SLCO4A1: variants seen among roughly 807,000 people sequenced by gnomAD.
The protein encoded by SLCO4A1 is solute carrier organic anion transporter family member 4A1, also known as colon organic anion transporter.
Under a neutral mutation model 64.6 loss-of-function variants are expected in SLCO4A1, and 51 were observed. That is an observed-to-expected ratio of 0.79 (90% CI 0.63 to 1.00). The LOEUF is 1.00. SLCO4A1 is among the 50% of genes least tolerant of loss of function. The pLI is 0.00. For missense variants in SLCO4A1, 919 were observed against 980.5 expected (o/e 0.94, Z 0.84); for synonymous variants, 471 against 444.9 (o/e 1.06, Z -0.74).
downstream of SLCO4A1, among the ~76,000 whole-genome samples, chr20:62,690,665 T>A (rs1386060056): frequency 6.6e-6 from 1 of 152,262 alleles, no homozygotes; most frequent in Admixed American, 6.5e-5. Flanking sequence ...GGCTTCCAAT[T>A]CGGGGCCTGA....
chr20:62,650,171 G>C (rs772705131), intron 1 of SLCO4A1: 1 of 152,338 alleles, frequency 6.6e-6, no homozygotes, highest in Non-Finnish European at 1.5e-5. Flanking sequence ...AGCTTGGGAA[G>C]CTGACGCACC....
At chr20:62,665,303 G>T (rs1337654410) in intron 6 of SLCO4A1, 3 of 554,188 alleles carry the variant, frequency 5.4e-6, no homozygotes, top group Non-Finnish European at 9.4e-6. Flanking sequence ...TGTGGGACAT[G>T]CTCCGTAGGT....
chr20:62,682,604 A>G (rs1987884546), intron 2 of SLCO4A1, among the ~76,000 whole-genome samples: 1 of 152,048 alleles, frequency 6.6e-6, no homozygotes, highest in Non-Finnish European at 1.5e-5. Context: ...AAGTCCAGGC[A>G]TCATCCCATC....
At chr20:62,642,957 G>A (rs1045675438) in intron 1 of SLCO4A1, 2 of 467,876 alleles carry the variant, frequency 4.3e-6, no homozygotes, top group Non-Finnish European at 8.9e-6. Context: ...AGGCCCCACA[G>A]ATCCAGCTGG....
At chr20:62,689,697 G>A (rs1039563435), downstream of SLCO4A1, among the ~76,000 whole-genome samples, 8 of 152,190 alleles carry the variant, frequency 5.3e-5, no homozygotes, top group East Asian at 3.9e-4. Flanking sequence ...CAGACCCTCC[G>A]GAAGGCGACC....
downstream of SLCO4A1, among the ~76,000 whole-genome samples, chr20:62,688,119 T>TAC (rs147245683): frequency 7.1e-3 from 1,075 of 151,556 alleles, 14 homozygotes; most frequent in African/African-American, 0.024. Flanking sequence ...ATAAGAGACC[T>TAC]ACACACACAC....
chr20:62,658,083 T>C (rs1984068521), intron 2 of SLCO4A1, among the ~76,000 whole-genome samples: 1 of 152,186 alleles, frequency 6.6e-6, no homozygotes, highest in South Asian at 2.1e-4. Context: ...CCTGCCTGGC[T>C]TGGCTCTCCC....
chr20:62,669,591 C>G (rs1174751596), intron 11 of SLCO4A1, among the ~76,000 whole-genome samples: 2 of 152,180 alleles, frequency 1.3e-5, no homozygotes, highest in African/African-American at 4.8e-5. Context: ...TCTGTTGTGA[C>G]TTTTGGCGTA....
chr20:62,660,705 G>A (rs1204986179), intron 4 of SLCO4A1, among the ~76,000 whole-genome samples, 172 bp downstream of exon 4: 3 of 152,210 alleles, frequency 2.0e-5, no homozygotes, highest in African/African-American at 7.2e-5. Flanking sequence ...TCCTGGCTGT[G>A]GCACAAGGCA....
rs577528684 is a variant in SLCO4A1 at position 62,678,537 on chromosome 20, T to C, written n.212-6904T>C. On this transcript the variant is annotated intron_variant and non_coding_transcript_variant, in intron 2 of 2. Coordinates refer to the SLCO4A1 transcript ENST00000466818. ...ATGTTTCTTACAGCGCTATTCTTTT[T>C]TTTTTTTTTTTTGAGACCGGGTGTT... Among the ~76,000 whole-genome samples, 7 of 151,614 alleles carry C rather than the reference T, an allele frequency of 4.6e-5. No individual in the cohort carries two copies. In the South Asian group the frequency reaches 1.5e-3, roughly 32 times the overall value.
At chr20:62,668,334 C>T in intron 9 of SLCO4A1, 143 bp from the exon 10 acceptor site, 9 of 1,249,038 alleles carry the variant, frequency 7.2e-6, no homozygotes, top group Non-Finnish European at 9.4e-6. Context: ...ACCTCACTGT[C>T]TCTGATCTCT....
At position 62,666,754 on chromosome 20, in the gene SLCO4A1, C is replaced by T. The variant is rs894809201; in HGVS notation, c.1472+179C>T. On this transcript the variant is annotated intron_variant, in intron 7 of 11. Transcript: ENST00000217159. The stretch of plus-strand genomic sequence containing the variant: ...ACCCGGCAGCATCCACGTGAAAAGG[C>T]ACCATGCCAGCCCCCAGCAGTGCCT... 74 of 622,198 alleles carry T rather than the reference C, an allele frequency of 1.2e-4. No individual in the cohort carries two copies. The South Asian group carries it at 1.4e-3, about 11-fold the overall frequency. The allele number at this position is 622,198 out of a possible 1,614,324, so 38.5% of individuals were successfully genotyped here.
At position 62,661,154 on chromosome 20, in the gene SLCO4A1, A is replaced by G. The variant is rs1259503821; in HGVS notation, c.1100A>G (p.Lys367Arg). ...GAGGCGAGCAACCCGGACTTTGGGAAAACCATCAGAGACCTGCCTCTGTAA... is the reference window on the plus strand; with the variant it reads ...GAGGCGAGCAACCCGGACTTTGGGAGAACCATCAGAGACCTGCCTCTGTAA... The part of the protein sequence containing the change: ...RGEASNPDFG[K>R]TIRDLPLSIW... Residue 367 changes from lysine (K) to arginine (R), a missense_variant, in exon 5 of 12, where the codon AAA becomes AGA. Physicochemically the swap from Lys to Arg is conservative, Grantham distance 26. Transcript: ENST00000217159. The surrounding 1 kb of genome is among the most constrained non-coding windows in gnomAD (Gnocchi z 5.2). 1.2e-6 allele frequency: 2 copies of G among 1,613,280 alleles called. No individual in the cohort carries two copies. The highest frequency in any genetic ancestry group is 8.5e-7 in the Non-Finnish European group (1 of 1,179,768).
chr20:62,677,174 G>A (rs1014979068), downstream of SLCO4A1, among the ~76,000 whole-genome samples: 8 of 152,348 alleles, frequency 5.3e-5, no homozygotes, highest in Middle Eastern at 6.8e-3. Context: ...GGTGCAGGGC[G>A]TTTTGGTGCA....
intron 1 of SLCO4A1, among the ~76,000 whole-genome samples, chr20:62,653,171 T>C (rs887027736): frequency 2.0e-5 from 3 of 152,182 alleles, no homozygotes; most frequent in Non-Finnish European, 4.4e-5. Context: ...GGCTGAGGCA[T>C]CCATTCGCTG....
chr20:62,648,737 C>T (rs1284063615), intron 1 of SLCO4A1, among the ~76,000 whole-genome samples: 2 of 152,118 alleles, frequency 1.3e-5, no homozygotes, highest in African/African-American at 2.4e-5. Context: ...AGAGCCTCCT[C>T]CCTAAGCCTG....
chr20:62,677,772 A>T (rs1445974303), intron 2 of SLCO4A1, among the ~76,000 whole-genome samples: 2 of 152,246 alleles, frequency 1.3e-5, no homozygotes, highest in Non-Finnish European at 2.9e-5. Context: ...CCTTCTGGGA[A>T]CGCTCAACTT....
intron 2 of SLCO4A1, among the ~76,000 whole-genome samples, chr20:62,678,574 C>A (rs887656127): frequency 4.0e-5 from 6 of 151,152 alleles, no homozygotes; most frequent in Admixed American, 1.3e-4. Context: ...CTCTGTCACC[C>A]AGGCTAGAGT....
downstream of SLCO4A1, among the ~76,000 whole-genome samples, chr20:62,689,166 C>T (rs543515142): frequency 1.9e-4 from 29 of 152,254 alleles, no homozygotes; most frequent in South Asian, 6.0e-3. Context: ...CCCCGCGCCT[C>T]GTAGGCCTGT....
Sources: gnomAD v4.1 joint callset for allele counts (sites outside exome capture counted in the v4.1 genomes callset) on GRCh38, gnomAD v4.1.1 for gene constraint, Gnocchi (gnomAD v3.1) non-coding constraint, MANE v1.5 for transcripts, NCBI Gene and HGNC (gene_info 2026-07-23, HGNC 2026-07-21) for gene names.